Variants in SHANK2 observed in about 807,000 individuals in gnomAD.
SHANK2 encodes the protein SH3 and multiple ankyrin repeat domains protein 2.
SHANK2 carries 43 observed loss-of-function variants against 133.7 expected under a neutral mutation model. The ratio of observed to expected loss-of-function variants is 0.32; its 90% CI spans 0.25 to 0.41. The LOEUF is 0.41. Ranked by LOEUF, SHANK2 falls within the 10% of genes least tolerant of loss-of-function variation. The probability of loss-of-function intolerance (pLI) is 1.00; values close to 1 mark genes in which losing one functional copy is unlikely to be tolerated. For synonymous variants in SHANK2, 1,017 were observed against 952.8 expected (o/e 1.07, Z -1.24); for missense variants, 1,994 against 2,235.8 (o/e 0.89, Z 2.18).
At chr11:70,728,646 C>T (rs782406721) in intron 14 of SHANK2, among the ~76,000 whole-genome samples, 6 of 152,222 alleles carry the variant, frequency 3.9e-5, no homozygotes, top group Admixed American at 1.3e-4. Flanking sequence ...CAAACAAATA[C>T]GCACGCCCAG....
intron 14 of SHANK2, among the ~76,000 whole-genome samples, chr11:70,757,350 A>G (rs1237329329): frequency 2.0e-5 from 3 of 152,234 alleles, no homozygotes; most frequent in Non-Finnish European, 4.4e-5. Context: ...GAGTGAGCAT[A>G]GCAGGCCTGT....
chr11:70,505,935 T>C (rs2059130676), intron 17 of SHANK2, among the ~76,000 whole-genome samples: 2 of 152,186 alleles, frequency 1.3e-5, no homozygotes, highest in African/African-American at 4.8e-5. Context: ...GATGCTGTCC[T>C]TCTGTGATCT....
intron 1 of SHANK2, among the ~76,000 whole-genome samples, chr11:71,240,603 T>C (rs782593532): frequency 7.9e-5 from 12 of 152,146 alleles, no homozygotes; most frequent in Non-Finnish European, 1.5e-4. Context: ...GAGTCACAAA[T>C]GTAATTTTAA....
chr11:70,482,134 T>C (rs1247438380), intron 25 of SHANK2, among the ~76,000 whole-genome samples: 1 of 152,240 alleles, frequency 6.6e-6, no homozygotes, highest in Non-Finnish European at 1.5e-5. Flanking sequence ...GTGCCTACAG[T>C]GAATGCTCTT....
At chr11:70,905,972 C>T (rs949140246) in intron 10 of SHANK2, among the ~76,000 whole-genome samples, 4 of 152,154 alleles carry the variant, frequency 2.6e-5, no homozygotes, top group Admixed American at 6.5e-5. Context: ...CCACCATGCC[C>T]GGCTAATTTT....
intron 12 of SHANK2, among the ~76,000 whole-genome samples, chr11:70,816,679 A>G (rs552582355): frequency 6.6e-6 from 1 of 152,236 alleles, no homozygotes; most frequent in Admixed American, 6.5e-5. Context: ...GGGCTCAGCC[A>G]CCTCCTGGAG....
intron 11 of SHANK2, among the ~76,000 whole-genome samples, chr11:70,846,288 C>T (rs782632996): frequency 3.3e-5 from 5 of 152,038 alleles, no homozygotes; most frequent in African/African-American, 9.7e-5. Context: ...ATTAGAAACA[C>T]GGTCTCGCTC....
intron 17 of SHANK2, among the ~76,000 whole-genome samples, chr11:70,571,748 C>A (rs192858876): frequency 3.0e-4 from 45 of 151,926 alleles, no homozygotes; most frequent in African/African-American, 9.4e-4. Flanking sequence ...GAGGGTGGTG[C>A]GTGCAGGGAG....
intron 17 of SHANK2, among the ~76,000 whole-genome samples, chr11:70,600,129 T>G (rs1421964141): frequency 6.6e-6 from 1 of 151,606 alleles, no homozygotes; most frequent in African/African-American, 2.4e-5. Flanking sequence ...GATTGGAAAA[T>G]ACATATGGAG....
intron 12 of SHANK2, among the ~76,000 whole-genome samples, chr11:70,815,175 AACACACACACACACAC>A (rs61610592): frequency 0.032 from 3,832 of 119,676 alleles, 95 homozygotes; most frequent in South Asian, 0.13. Context: ...TGGGAGAAGA[AACACACACACACACAC>A]ACACACACAC....
At chr11:70,670,616 C>T (rs114381652) in intron 15 of SHANK2, among the ~76,000 whole-genome samples, 1 of 152,194 alleles carries the variant, frequency 6.6e-6, no homozygotes, top group Admixed American at 6.5e-5. Context: ...CATGACCACA[C>T]GTGCAGCTGC....
At chr11:70,798,655 G>A (rs530227822) in intron 13 of SHANK2, 99 bp from the exon 14 acceptor site, 25 of 678,690 alleles carry the variant, frequency 3.7e-5, no homozygotes, top group African/African-American at 2.1e-4. Context: ...GAGAATCAGC[G>A]CACCCCTGGC....
chr11:70,707,296 C>T (rs534922639), intron 14 of SHANK2, among the ~76,000 whole-genome samples: 10 of 145,492 alleles, frequency 6.9e-5, no homozygotes, highest in African/African-American at 1.3e-4. Flanking sequence ...CGCCTGAACC[C>T]GAGAGGTGGA....
intron 3 of SHANK2, among the ~76,000 whole-genome samples, chr11:71,119,763 GACCTGAGA>G (rs1952049592): frequency 6.6e-6 from 1 of 152,002 alleles, no homozygotes; most frequent in Admixed American, 6.5e-5. Flanking sequence ...GTCTGGGTGG[GACCTGAGA>G]ACCTACATCT....
intron 17 of SHANK2, among the ~76,000 whole-genome samples, chr11:70,619,337 T>G (rs1386889027): frequency 1.3e-5 from 2 of 152,168 alleles, no homozygotes; most frequent in Non-Finnish European, 2.9e-5. Context: ...CGAGGGTCCT[T>G]TCCTGTCTCT....
chr11:71,097,664 G>C (rs1951642277), intron 6 of SHANK2, among the ~76,000 whole-genome samples: 1 of 152,110 alleles, frequency 6.6e-6, no homozygotes, highest in African/African-American at 2.4e-5. Flanking sequence ...GAAAGGGTGA[G>C]AAGCGGGGGC....
intron 11 of SHANK2, among the ~76,000 whole-genome samples, chr11:70,833,614 C>T (rs1948763811): frequency 6.6e-6 from 1 of 152,232 alleles, no homozygotes; most frequent in Admixed American, 6.5e-5. Flanking sequence ...ACAAAGCAAG[C>T]ACAGTGATGA....
At chr11:70,594,889 C>T (rs782503955) in intron 17 of SHANK2, among the ~76,000 whole-genome samples, 1 of 152,136 alleles carries the variant, frequency 6.6e-6, no homozygotes, top group Non-Finnish European at 1.5e-5. Context: ...CCTCTGCATG[C>T]ACCTTCAGGG....
intron 17 of SHANK2, among the ~76,000 whole-genome samples, chr11:70,628,896 G>A (rs1555000977): frequency 6.6e-6 from 1 of 152,234 alleles, no homozygotes; most frequent in Admixed American, 6.5e-5. Context: ...CAGCTCTGGG[G>A]CTCTGGGCTG....
Sources: allele counts gnomAD v4.1 joint callset (sites outside exome capture counted in the v4.1 genomes callset), GRCh38; gene constraint gnomAD v4.1.1; transcripts MANE v1.5; gene names NCBI Gene and HGNC (gene_info 2026-07-23, HGNC 2026-07-21).